NKAIN3: variants seen among roughly 807,000 people sequenced by gnomAD.
NKAIN3 encodes sodium/potassium-transporting ATPase subunit beta-1-interacting protein 3.
A neutral mutation model predicts 30.2 loss-of-function variants in NKAIN3; 25 were observed. The ratio of observed to expected loss-of-function variants is 0.83; its 90% CI spans 0.60 to 1.16. NKAIN3 has a LOEUF of 1.16. Among genes scored for constraint, NKAIN3 ranks in the 50% most tolerant of loss-of-function variants. The pLI, the probability that NKAIN3 is intolerant of heterozygous loss-of-function variation, is 0.00. For synonymous variants in NKAIN3, 91 were observed against 89.6 expected (o/e 1.02, Z -0.09); for missense variants, 225 against 254.1 (o/e 0.89, Z 0.78).
chr8:62,332,455 G>A (rs565113171), intron 1 of NKAIN3, among the ~76,000 whole-genome samples: 1 of 152,130 alleles, frequency 6.6e-6, no homozygotes, highest in East Asian at 1.9e-4. Flanking sequence ...TTTCCAATTA[G>A]GAAAATGAAT....
chr8:62,362,870 A>C (rs985572821), intron 1 of NKAIN3, among the ~76,000 whole-genome samples: 2 of 151,594 alleles, frequency 1.3e-5, no homozygotes, highest in African/African-American at 4.8e-5. Context: ...GATTGGTTAT[A>C]GCTCGGGTTT....
intron 1 of NKAIN3, among the ~76,000 whole-genome samples, chr8:62,525,969 A>G (rs1158250587): frequency 1.3e-5 from 2 of 152,198 alleles, no homozygotes; most frequent in Admixed American, 6.6e-5. Context: ...TTTAGAAAAC[A>G]TCACATTCCC....
At position 62,856,036 on chromosome 8, in the gene NKAIN3, G is replaced by A. The variant is rs7823443; in HGVS notation, c.472-62417G>A. On this transcript the variant is annotated intron_variant, in intron 4 of 6. Coordinates refer to ENST00000623646, the MANE Select transcript of NKAIN3 (RefSeq NM_001304533.3). ...AACAGGGAGGGCCTCAGATGATGGT[G>A]CTTCTTCAGCATTACCAAGGGCTTA... 3,501 of 684,598 alleles carry A rather than the reference G, an allele frequency of 5.1e-3. 97 individuals carry two copies. In the African/African-American group the frequency reaches 0.056, roughly 11 times the overall value. The allele number at this position is 684,598 out of a possible 1,614,324, so 42.4% of individuals were successfully genotyped here.
intron 1 of NKAIN3, among the ~76,000 whole-genome samples, chr8:62,428,628 G>A (rs1011000740): frequency 1.3e-5 from 2 of 151,738 alleles, no homozygotes; most frequent in Non-Finnish European, 2.9e-5. Flanking sequence ...CATATACCAG[G>A]TTGTCATTTA....
At chr8:62,473,041 T>C (rs1806405154) in intron 1 of NKAIN3, among the ~76,000 whole-genome samples, 1 of 152,126 alleles carries the variant, frequency 6.6e-6, no homozygotes, top group South Asian at 2.1e-4. Flanking sequence ...CAAGTAAGAG[T>C]CTTTAATATA....
At chr8:62,486,741 T>G (rs1806916074) in intron 1 of NKAIN3, among the ~76,000 whole-genome samples, 1 of 152,224 alleles carries the variant, frequency 6.6e-6, no homozygotes, top group Admixed American at 6.5e-5. Flanking sequence ...TCTCCTGCCA[T>G]TCTTACTACC....
chr8:62,973,535 T>G lies in NKAIN3; in HGVS notation c.*8128T>G, dbSNP rs1488874480. On this transcript the variant is annotated 3_prime_UTR_variant, in exon 7 of 7. Coordinates refer to ENST00000623646, the MANE Select transcript of NKAIN3 (RefSeq NM_001304533.3). ...AGTTGTTTTTTTTCTTGTAAATTTG[T>G]TTAAGTTCCTTGTAGATTCTGGATA... is the stretch of plus-strand genomic sequence containing the variant. 6.6e-6 allele frequency among the ~76,000 whole-genome samples: 1 copy of G among 152,212 alleles called. No individual in the cohort carries two copies. Among genetic ancestry groups the G allele is most frequent in the Non-Finnish European group, 1.5e-5 (1 of 68,036 alleles).
At chr8:62,445,476 A>G (rs1165905821) in intron 1 of NKAIN3, among the ~76,000 whole-genome samples, 1 of 152,154 alleles carries the variant, frequency 6.6e-6, no homozygotes, top group African/African-American at 2.4e-5. Context: ...CACACAATAA[A>G]TGCTGGGGCT....
intron 4 of NKAIN3, among the ~76,000 whole-genome samples, chr8:62,900,095 G>A (rs1454939351): frequency 6.6e-6 from 1 of 151,542 alleles, no homozygotes; most frequent in Non-Finnish European, 1.5e-5. Flanking sequence ...CTATTGATTT[G>A]AACATATTAT....
At chr8:62,525,361 T>A (rs918146943) in intron 1 of NKAIN3, among the ~76,000 whole-genome samples, 4 of 152,178 alleles carry the variant, frequency 2.6e-5, no homozygotes, top group African/African-American at 9.6e-5. Context: ...AAGGAGTTCT[T>A]GCTTTTGGTA....
intron 1 of NKAIN3, among the ~76,000 whole-genome samples, chr8:62,324,885 A>C (rs962255165): frequency 6.6e-6 from 1 of 151,938 alleles, no homozygotes; most frequent in African/African-American, 2.4e-5. Context: ...AAAATCTTGA[A>C]CATTTGTGTT....
At chr8:62,651,926 G>T (rs1586051050) in intron 3 of NKAIN3, among the ~76,000 whole-genome samples, 1 of 152,136 alleles carries the variant, frequency 6.6e-6, no homozygotes, top group Non-Finnish European at 1.5e-5. Flanking sequence ...CTCACCAGAA[G>T]CTAAGCAGAT....
chr8:62,342,825 G>C (rs1479869255), intron 1 of NKAIN3, among the ~76,000 whole-genome samples: 1 of 152,008 alleles, frequency 6.6e-6, no homozygotes, highest in Non-Finnish European at 1.5e-5. Flanking sequence ...CTCTTGAGAG[G>C]TTAAGATTCA....
chr8:62,428,736 C>A (rs534681575), intron 1 of NKAIN3, among the ~76,000 whole-genome samples: 1 of 151,762 alleles, frequency 6.6e-6, no homozygotes, highest in South Asian at 2.1e-4. Context: ...TATTAATACC[C>A]TTTCAGATAT....
At chr8:62,813,640 A>G (rs1048259100) in intron 4 of NKAIN3, among the ~76,000 whole-genome samples, 2 of 148,034 alleles carry the variant, frequency 1.4e-5, no homozygotes, top group African/African-American at 5.0e-5. Context: ...TGTTTTATAT[A>G]CTCTTTGTTC....
chr8:62,438,908 A>C (rs986975782), intron 1 of NKAIN3, among the ~76,000 whole-genome samples: 5 of 152,304 alleles, frequency 3.3e-5, no homozygotes, highest in Middle Eastern at 3.4e-3. Context: ...TCAAGAGCTC[A>C]GATATCCTCA....
At chr8:62,336,891 T>C (rs1485364534) in intron 1 of NKAIN3, among the ~76,000 whole-genome samples, 1 of 152,072 alleles carries the variant, frequency 6.6e-6, no homozygotes, top group Non-Finnish European at 1.5e-5. Flanking sequence ...TGGGCTGTAC[T>C]GTTTGTCAAA....
chr8:62,506,549 T>C (rs1284229564), intron 1 of NKAIN3, among the ~76,000 whole-genome samples: 1 of 147,606 alleles, frequency 6.8e-6, no homozygotes, highest in African/African-American at 2.5e-5. Context: ...ATCTCAGCTC[T>C]CTGCAACCTC....
At chr8:62,361,628 G>T (rs6991069) in intron 1 of NKAIN3, among the ~76,000 whole-genome samples, 147,746 of 152,364 alleles carry the variant, frequency 0.97, 71,691 homozygotes, top group East Asian at 1. Context: ...AATCCTTGCA[G>T]GTCTATGATT....
Sources: gnomAD v4.1 joint callset for allele counts (sites outside exome capture counted in the v4.1 genomes callset) on GRCh38, gnomAD v4.1.1 for gene constraint, MANE v1.5 for transcripts, NCBI Gene and HGNC (gene_info 2026-07-23, HGNC 2026-07-21) for gene names.